The following PCDHA4 variants were observed in gnomAD, a reference collection of about 807,000 sequenced individuals.
The protein encoded by PCDHA4 is protocadherin alpha-4.
A neutral mutation model predicts 61.4 loss-of-function variants in PCDHA4; 49 were observed. The observed-to-expected ratio is 0.80, with a 90% CI of 0.63 to 1.01. The LOEUF (loss-of-function observed/expected upper bound fraction) is 1.01, where lower values mean the gene tolerates loss of function less well. Among genes scored for constraint, PCDHA4 ranks in the 50% least tolerant of loss-of-function variants. PCDHA4 has a pLI of 0.00. For synonymous variants in PCDHA4, 590 were observed against 550.3 expected, an observed-to-expected ratio of 1.07 and a Z score of -1.01; for missense variants, 1,254 against 1,235.8, an observed-to-expected ratio of 1.01 and a Z score of -0.22.
intron 3 of PCDHA4, 162 bp downstream of exon 3, chr5:140,982,725 A>G (rs2096999365): frequency 1.1e-6 from 1 of 902,882 alleles, no homozygotes; most frequent in African/African-American, 1.8e-5. Flanking sequence ...GATTATTTTG[A>G]TTTTATACCT....
At chr5:140,823,972 C>G (rs140039635) in intron 1 of PCDHA4, 2 of 1,614,108 alleles carry the variant, frequency 1.2e-6, no homozygotes, top group African/African-American at 1.3e-5. Context: ...CGTGTGCACA[C>G]GGGGCAAGCC....
At chr5:140,839,904 A>G (rs2150301613) in intron 1 of PCDHA4, among the ~76,000 whole-genome samples, 18 of 152,076 alleles carry the variant, frequency 1.2e-4, no homozygotes, top group African/African-American at 4.3e-4. Context: ...AAGATGAAGT[A>G]ATAGAAGAAA....
At chr5:140,967,780 T>C in intron 1 of PCDHA4, 1 of 1,614,214 alleles carries the variant, frequency 6.2e-7, no homozygotes, top group Non-Finnish European at 8.5e-7. Context: ...TGCAGGCGAC[T>C]GACCGGGGTC....
chr5:140,989,665 T>C (rs2097353443), intron 3 of PCDHA4, among the ~76,000 whole-genome samples: 1 of 152,190 alleles, frequency 6.6e-6, no homozygotes, highest in Non-Finnish European at 1.5e-5. Context: ...TAAAAGAAAC[T>C]CTGCCCAGAT....
intron 1 of PCDHA4, among the ~76,000 whole-genome samples, chr5:140,906,981 G>A (rs1554192831): frequency 6.6e-6 from 1 of 152,122 alleles, no homozygotes; most frequent in Non-Finnish European, 1.5e-5. Flanking sequence ...GTCTTCTGGT[G>A]GCAGCATTCC....
chr5:140,976,584 A>G (rs2096724055), intron 1 of PCDHA4, among the ~76,000 whole-genome samples: 1 of 152,070 alleles, frequency 6.6e-6, no homozygotes. Context: ...TAAAACACAG[A>G]CTTTTGTGTT....
intron 1 of PCDHA4, chr5:140,866,771 G>T (rs1274249290): frequency 2.0e-5 from 3 of 152,268 alleles, no homozygotes; most frequent in Non-Finnish European, 2.9e-5. Flanking sequence ...CAGGCAGATT[G>T]TATGTCCTGA....
intron 1 of PCDHA4, chr5:140,862,770 G>A (rs1554156952): frequency 3.5e-6 from 2 of 576,708 alleles, no homozygotes; most frequent in Non-Finnish European, 6.7e-6. Context: ...AGAGGTACGC[G>A]TTGCAGCCAC....
At chr5:140,823,007 C>T in intron 1 of PCDHA4, 2 of 1,614,244 alleles carry the variant, frequency 1.2e-6, no homozygotes, top group Non-Finnish European at 1.7e-6. Flanking sequence ...CTGGACAGCG[C>T]CCTGGACCGC....
At chr5:140,887,539 C>T in intron 1 of PCDHA4, among the ~76,000 whole-genome samples, 1 of 152,082 alleles carries the variant, frequency 6.6e-6, no homozygotes, top group East Asian at 1.9e-4. Flanking sequence ...CCTCTCCCCA[C>T]CCCTCATGGT....
chr5:140,947,146 A>G (rs1253300651), intron 1 of PCDHA4, among the ~76,000 whole-genome samples: 2 of 151,546 alleles, frequency 1.3e-5, no homozygotes, highest in Non-Finnish European at 1.5e-5. Context: ...ATGTATAGTT[A>G]CTTCCACGGG....
chr5:140,883,834 G>T (rs891069385), intron 1 of PCDHA4: 3 of 1,612,540 alleles, frequency 1.9e-6, no homozygotes, highest in Non-Finnish European at 2.5e-6. Context: ...CGCTGCAGCC[G>T]TTGGACCACG....
intron 3 of PCDHA4, among the ~76,000 whole-genome samples, chr5:140,994,578 A>C (rs1563601392): frequency 6.6e-6 from 1 of 151,958 alleles, no homozygotes; most frequent in Non-Finnish European, 1.5e-5. Context: ...GGTGGCATGC[A>C]CTTGTAGTCT....
Position 140,969,539 on chromosome 5 carries a change from A to G in PCDHA4, c.2386-9410A>G, listed in dbSNP as rs551546462. ...GAATTGTTTTATTTTTCATTTTCAGAGGCATGAAGCCTTGTCCATAAAATT... is the reference window on the plus strand; with the variant it reads ...GAATTGTTTTATTTTTCATTTTCAGGGGCATGAAGCCTTGTCCATAAAATT... On this transcript the variant is annotated intron_variant, in intron 1 of 3. Transcript: ENST00000530339. The G allele has an allele frequency of 2.3e-6, 3 of 1,303,614 alleles. No individual in the cohort carries two copies. The Admixed American group carries it at 8.5e-5, about 37-fold the overall frequency. 80.8% of individuals were successfully genotyped at this position (1,303,614 alleles called of 1,614,324 possible).
At chr5:140,870,369 G>A (rs375892305) in intron 1 of PCDHA4, 117 of 1,614,088 alleles carry the variant, frequency 7.2e-5, no homozygotes, top group Admixed American at 2.3e-4. Context: ...CCTATGAACT[G>A]GTGGTGACTG....
Position 140,938,107 on chromosome 5 carries a change from T to C in PCDHA4, c.2386-40842T>C, listed in dbSNP as rs73266057. On this transcript the variant is annotated intron_variant, in intron 1 of 3. Coordinates refer to ENST00000530339, the MANE Select transcript of PCDHA4 (RefSeq NM_018907.4). ...TAGTTTTATTATTGTATTTTTTACT[T>C]TCTCTCTTTTTTTAAAAAAATAGAG... is the stretch of plus-strand genomic sequence containing the variant. 3.3e-3 allele frequency among the ~76,000 whole-genome samples: 502 copies of C among 152,318 alleles called. 3 individuals carry two copies. Among genetic ancestry groups the C allele is most frequent in the African/African-American group, 0.012 (483 of 41,576 alleles).
In PCDHA4 at chr5:140,823,639, C is replaced by T. The variant is rs1207505503; in HGVS notation, c.2385+14067C>T. On this transcript the variant is annotated intron_variant, in intron 1 of 3. Coordinates refer to ENST00000530339, the MANE Select transcript of PCDHA4 (RefSeq NM_018907.4). Reference sequence around the variant, plus strand: ...GCCTGGCAGTGCGCGCATCCCGTTCCGCGTGGGGCTGTACACAGGCGAGAT... The same window carrying T: ...GCCTGGCAGTGCGCGCATCCCGTTCTGCGTGGGGCTGTACACAGGCGAGAT... 6 of 1,613,894 alleles carry T rather than the reference C, an allele frequency of 3.7e-6. No individual in the cohort carries two copies. In the Admixed American group the frequency reaches 8.3e-5, roughly 22 times the overall value.
chr5:140,878,350 T>C (rs932815141), intron 1 of PCDHA4, among the ~76,000 whole-genome samples: 1 of 152,250 alleles, frequency 6.6e-6, no homozygotes, highest in Non-Finnish European at 1.5e-5. Context: ...CACAATAATA[T>C]AAATGATATG....
At chr5:140,879,268 A>G (rs1289844412) in intron 1 of PCDHA4, among the ~76,000 whole-genome samples, 1 of 152,268 alleles carries the variant, frequency 6.6e-6, no homozygotes, top group East Asian at 1.9e-4. Flanking sequence ...CCAGATAATG[A>G]CAGACTCAAT....
Sources: allele counts gnomAD v4.1 joint callset (sites outside exome capture counted in the v4.1 genomes callset), GRCh38; gene constraint gnomAD v4.1.1; transcripts MANE v1.5; gene names NCBI Gene and HGNC (gene_info 2026-07-23, HGNC 2026-07-21).